The following RGS7 variants were observed in gnomAD, a reference collection of about 807,000 sequenced individuals.
The protein encoded by RGS7 is regulator of G-protein signaling 7.
In RGS7, 27 loss-of-function variants were observed where a neutral mutation model predicts 81.1. That is an observed-to-expected ratio of 0.33 (90% CI 0.25 to 0.46). The LOEUF (loss-of-function observed/expected upper bound fraction) is 0.46. Ranked by LOEUF, RGS7 falls within the 20% of genes least tolerant of loss-of-function variation. The pLI, the probability that RGS7 is intolerant of heterozygous loss-of-function variation, is 1.00. For synonymous variants in RGS7, 208 were observed against 207.7 expected (o/e 1.00, Z -0.01); for missense variants, 396 against 607.4 (o/e 0.65, Z 3.66).
intron 9 of RGS7, among the ~76,000 whole-genome samples, chr1:240,855,308 C>CAAAAAAAAAAAAAAAAAAAAA (rs758331434): frequency 6.7e-5 from 1 of 14,924 alleles, no homozygotes; most frequent in African/African-American, 1.8e-4. Context: ...GACCATGTCT[C>CAAAAAAAAAAAAAAAAAAAAA]AAAAAAAAAA....
At chr1:240,873,414 G>A (rs1276011950) in intron 6 of RGS7, among the ~76,000 whole-genome samples, 1 of 152,132 alleles carries the variant, frequency 6.6e-6, no homozygotes, top group Non-Finnish European at 1.5e-5. Context: ...GACTTGGGAG[G>A]TCAAACAAGT....
intron 2 of RGS7, among the ~76,000 whole-genome samples, chr1:241,254,017 G>A (rs148382271): frequency 0.024 from 3,583 of 152,090 alleles, 59 homozygotes; most frequent in Non-Finnish European, 0.034. Context: ...TGGCTAACAC[G>A]ATGAAACACC....
At chr1:240,932,193 T>A (rs1180384416) in intron 5 of RGS7, among the ~76,000 whole-genome samples, 1 of 152,116 alleles carries the variant, frequency 6.6e-6, no homozygotes, top group East Asian at 1.9e-4. Context: ...CCGACTACCA[T>A]CACCCAGGGA....
chr1:240,913,856 T>G (rs1672153586), intron 6 of RGS7, among the ~76,000 whole-genome samples: 1 of 152,090 alleles, frequency 6.6e-6, no homozygotes, highest in South Asian at 2.1e-4. Context: ...ATTTTATCTA[T>G]GTTTATTCAT....
intron 9 of RGS7, among the ~76,000 whole-genome samples, chr1:240,838,672 T>C (rs896550891): frequency 6.6e-6 from 1 of 152,178 alleles, no homozygotes; most frequent in Non-Finnish European, 1.5e-5. Context: ...ATAATTCCCA[T>C]GCATCCTCGC....
intron 4 of RGS7, among the ~76,000 whole-genome samples, chr1:240,979,020 C>T (rs1403146430): frequency 6.6e-6 from 1 of 152,058 alleles, no homozygotes; most frequent in African/African-American, 2.4e-5. Flanking sequence ...AACGAAATGG[C>T]AATGGCCCAT....
At chr1:240,932,526 T>TTTTTTTTTTG (rs1675638725) in intron 5 of RGS7, among the ~76,000 whole-genome samples, 1 of 150,352 alleles carries the variant, frequency 6.7e-6, no homozygotes, top group African/African-American at 2.4e-5. Flanking sequence ...TTTTTTTTTT[T>TTTTTTTTTTG]GAGACAGGGT....
At chr1:241,308,367 G>A (rs1205067341) in intron 2 of RGS7, among the ~76,000 whole-genome samples, 1 of 152,220 alleles carries the variant, frequency 6.6e-6, no homozygotes, top group Non-Finnish European at 1.5e-5. Flanking sequence ...ATACTGCCAT[G>A]TTATTTAAGT....
intron 3 of RGS7, among the ~76,000 whole-genome samples, chr1:241,005,790 C>A (rs902993226): frequency 1.3e-5 from 2 of 152,180 alleles, no homozygotes; most frequent in African/African-American, 4.8e-5. Flanking sequence ...CCGCCTTGGC[C>A]TCCCAAAGTG....
intron 18 of RGS7, among the ~76,000 whole-genome samples, chr1:240,788,327 A>G (rs1329995771): frequency 6.6e-6 from 1 of 152,226 alleles, no homozygotes; most frequent in African/African-American, 2.4e-5. Context: ...CTCTTATACT[A>G]TACAGTTCAA....
At chr1:241,214,306 G>C (rs2074425499) in intron 2 of RGS7, among the ~76,000 whole-genome samples, 1 of 151,774 alleles carries the variant, frequency 6.6e-6, no homozygotes, top group African/African-American at 2.4e-5. Context: ...GACTGACAAG[G>C]TATTTTCAGC....
At chr1:241,113,685 T>C (rs537570420) in intron 2 of RGS7, among the ~76,000 whole-genome samples, 1 of 152,302 alleles carries the variant, frequency 6.6e-6, no homozygotes, top group African/African-American at 2.4e-5. Flanking sequence ...ATTTGATGAA[T>C]GATGTTAGGA....
chr1:241,016,283 G>T (rs938255710), intron 3 of RGS7, among the ~76,000 whole-genome samples: 5 of 152,108 alleles, frequency 3.3e-5, no homozygotes, highest in Non-Finnish European at 5.9e-5. Context: ...ACTTTGGGAG[G>T]CCAAGGTGGT....
rs180913423 is a variant in RGS7 at position 241,195,748 on chromosome 1, A to G, written c.79-96986T>C. On this transcript the variant is annotated intron_variant, in intron 2 of 18. Transcript: ENST00000440928. ...ACAATAAGACATACAGGACTATTGA[A>G]AAAATAGTGAATTGGAAGATAGGTC... Among the ~76,000 whole-genome samples, 23 of 148,780 alleles carry G rather than the reference A, an allele frequency of 1.5e-4. No individual in the cohort carries two copies. In the East Asian group the frequency reaches 3.9e-3, roughly 25 times the overall value.
At chr1:241,157,821 CT>C (rs67249227) in intron 2 of RGS7, among the ~76,000 whole-genome samples, 64 of 94,724 alleles carry the variant, frequency 6.8e-4, no homozygotes, top group Non-Finnish European at 1.0e-3. Context: ...CTTTTCTTTT[CT>C]TTTTTTTTTT....
At chr1:241,100,787 T>C (rs536663796) in intron 2 of RGS7, among the ~76,000 whole-genome samples, 1 of 152,324 alleles carries the variant, frequency 6.6e-6, no homozygotes, top group South Asian at 2.1e-4. Flanking sequence ...CAACAAATAT[T>C]AGACCAAATG....
At chr1:241,046,974 C>T (rs953824473) in intron 3 of RGS7, among the ~76,000 whole-genome samples, 6 of 152,120 alleles carry the variant, frequency 3.9e-5, no homozygotes, top group Non-Finnish European at 8.8e-5. Flanking sequence ...AGTGGACCTC[C>T]TCCAAAGGCT....
At chr1:241,084,710 C>G (rs541054010) in intron 3 of RGS7, among the ~76,000 whole-genome samples, 1 of 152,172 alleles carries the variant, frequency 6.6e-6, no homozygotes, top group Non-Finnish European at 1.5e-5. Context: ...GACTAGAAGT[C>G]AAATTTCAAC....
chr1:240,922,722 C>T (rs1673781271), intron 6 of RGS7, among the ~76,000 whole-genome samples: 1 of 151,988 alleles, frequency 6.6e-6, no homozygotes, highest in African/African-American at 2.4e-5. Flanking sequence ...ACACTAAATG[C>T]TGGTAAGGAT....
Sources: allele counts gnomAD v4.1 joint callset (sites outside exome capture counted in the v4.1 genomes callset), GRCh38; gene constraint gnomAD v4.1.1; transcripts MANE v1.5; gene names NCBI Gene and HGNC (gene_info 2026-07-23, HGNC 2026-07-21).